The following HSF2BP variants were observed in gnomAD, a reference collection of about 807,000 sequenced individuals.
HSF2BP encodes heat shock factor 2-binding protein.
HSF2BP carries 35 observed loss-of-function variants against 35.0 expected under a neutral mutation model. The ratio of observed to expected loss-of-function variants is 1.00; its 90% confidence interval spans 0.76 to 1.32. The LOEUF (loss-of-function observed/expected upper bound fraction) is 1.32, where lower values mean the gene tolerates loss of function less well. Ranked by LOEUF, HSF2BP falls within the 40% of genes most tolerant of loss-of-function variation. The pLI, the probability that HSF2BP is intolerant of heterozygous loss-of-function variation, is 0.00. For synonymous variants in HSF2BP, 114 were observed against 117.4 expected (o/e 0.97, Z 0.18); for missense variants, 326 against 321.7 (o/e 1.01, Z -0.10).
chr21:43,633,402 T>C lies in HSF2BP; in HGVS notation c.311A>G (p.Gln104Arg). 1.2e-6 allele frequency: 2 copies of C among 1,610,330 alleles called. No homozygotes were observed. Residue 104 changes from glutamine (Q) to arginine (R), a missense_variant, in exon 5 of 9, where the codon CAG becomes CGG. Gln to Arg is a conservative substitution (Grantham distance 43, BLOSUM62 1). Transcript: ENST00000291560. ...TTGCTGCTTCGCTTCATTCAACTGC[T>C]GTCGAAGAGCCAGTTTCTCCTAAAA... ...REKKEKLALR[Q>R]QLNEAKQQLL...
the HSF2BP span, among the ~76,000 whole-genome samples, chr21:43,501,397 C>CT: frequency 2.0e-3 from 132 of 65,226 alleles, no homozygotes; most frequent in Non-Finnish European, 2.3e-3. Flanking sequence ...CTGTAGCTGT[C>CT]TTTTTTTTTT....
At chr21:43,598,457 G>C (rs1039244671) in intron 7 of HSF2BP, among the ~76,000 whole-genome samples, 4 of 151,222 alleles carry the variant, frequency 2.6e-5, no homozygotes, top group Non-Finnish European at 2.9e-5. Flanking sequence ...CCTGACCTCA[G>C]GTGACCCACC....
At chr21:43,631,753 G>A (rs2082459279) in intron 5 of HSF2BP, among the ~76,000 whole-genome samples, 1 of 152,004 alleles carries the variant, frequency 6.6e-6, no homozygotes, top group Admixed American at 6.6e-5. Context: ...CCTACTCACT[G>A]TCCTAAAACA....
intron 7 of HSF2BP, among the ~76,000 whole-genome samples, chr21:43,598,410 C>G (rs189829750): frequency 5.9e-4 from 86 of 146,276 alleles, no homozygotes; most frequent in African/African-American, 2.1e-3. Context: ...TTAGTAGAGA[C>G]GGGGTTTCAC....
chr21:43,633,159 A>C, intron 5 of HSF2BP, 113 bp downstream of exon 5: 3 of 1,195,534 alleles, frequency 2.5e-6, no homozygotes, highest in Non-Finnish European at 3.5e-6. Flanking sequence ...ATGAGTGAAC[A>C]AAAGAAAATG....
Position 43,590,940 on chromosome 21 carries a change from A to G in HSF2BP, c.796+1285T>C, listed in dbSNP as rs534738792. 6.6e-5 allele frequency among the ~76,000 whole-genome samples: 10 copies of G among 152,344 alleles called. No individual in the cohort carries two copies. In the South Asian group the frequency reaches 1.4e-3, roughly 22 times the overall value. On this transcript the variant is annotated intron_variant, in intron 8 of 8. Coordinates refer to ENST00000291560, the MANE Select transcript of HSF2BP (RefSeq NM_007031.2). Reference sequence around the variant, plus strand: ...ACCTTGATTGTGATAATAATTTTACAGGTGGACATTTATATCAATACTTAT... The same window carrying G: ...ACCTTGATTGTGATAATAATTTTACGGGTGGACATTTATATCAATACTTAT...
At chr21:43,650,091 C>T (rs942828164) in intron 3 of HSF2BP, among the ~76,000 whole-genome samples, 17 of 152,182 alleles carry the variant, frequency 1.1e-4, no homozygotes, top group African/African-American at 4.1e-4. Context: ...TTTCATCGCA[C>T]CACCTTCATT....
At chr21:43,596,863 C>T (rs1447320175) in intron 7 of HSF2BP, among the ~76,000 whole-genome samples, 1 of 136,504 alleles carries the variant, frequency 7.3e-6, no homozygotes, top group African/African-American at 2.8e-5. Context: ...CTCTGGCCTG[C>T]GTGACAGAGC....
In HSF2BP at chr21:43,652,816, T is replaced by G. The variant is rs887027923; in HGVS notation, c.187+3771A>C. Reference sequence around the variant, plus strand: ...ACGTTTCCTGGAGCACATGTGAGTTTCATGAGATAGGACTGCAAACTAGAA... The same window carrying G: ...ACGTTTCCTGGAGCACATGTGAGTTGCATGAGATAGGACTGCAAACTAGAA... On this transcript the variant is annotated intron_variant, in intron 3 of 8. Transcript: ENST00000291560. Among the ~76,000 whole-genome samples, 5 of 152,162 alleles carry G rather than the reference T, an allele frequency of 3.3e-5. No individual in the cohort carries two copies. In the East Asian group the frequency reaches 9.6e-4, roughly 29 times the overall value.
chr21:43,657,887 G>A (rs2082898525), intron 2 of HSF2BP, 174 bp downstream of exon 2: 5 of 985,434 alleles, frequency 5.1e-6, no homozygotes, highest in Non-Finnish European at 4.8e-6. Flanking sequence ...GTCGCCTCCC[G>A]CCCCAGGTCT....
intron 8 of HSF2BP, among the ~76,000 whole-genome samples, chr21:43,590,824 C>T (rs2081916743): frequency 6.6e-6 from 1 of 152,068 alleles, no homozygotes; most frequent in South Asian, 2.1e-4. Context: ...AGAAAGGAGG[C>T]GAGTCACTCT....
At chr21:43,581,493 G>A (rs2081731540) in intron 8 of HSF2BP, among the ~76,000 whole-genome samples, 1 of 152,194 alleles carries the variant, frequency 6.6e-6, no homozygotes, top group Admixed American at 6.5e-5. Flanking sequence ...CCTGGACAGG[G>A]ATAAAGCTGA....
At chr21:43,594,559 TA>T (rs1382331365) in intron 7 of HSF2BP, among the ~76,000 whole-genome samples, 1 of 152,072 alleles carries the variant, frequency 6.6e-6, no homozygotes, top group Non-Finnish European at 1.5e-5. Flanking sequence ...GAAACAAGGG[TA>T]AACTTTCAAG....
the HSF2BP span, among the ~76,000 whole-genome samples, chr21:43,495,995 C>T: frequency 8.1e-6 from 1 of 123,138 alleles, no homozygotes; most frequent in Non-Finnish European, 1.8e-5. Context: ...TGATTTCACC[C>T]ATCTCTCTCT....
rs752587102 is a variant in HSF2BP, at chr21:43,658,117, C to G, written c.-21G>C. The G allele has an allele frequency of 7.9e-6, 12 of 1,523,170 alleles. No individual in the cohort carries two copies. The highest frequency in any genetic ancestry group is 1.1e-5 in the Non-Finnish European group (12 of 1,139,128). 94.4% of individuals were successfully genotyped at this position (1,523,170 alleles called of 1,614,324 possible). A position where few individuals can be genotyped will look rare whatever the true frequency, so the allele number is the denominator to read the frequency against. ...CCCATGGCCGCTGCCGCCTCCGCTC[C>G]GTTCGCCTGAGCGTCGGCGCGCCCT... On this transcript the variant is annotated 5_prime_UTR_variant, in exon 2 of 9. Coordinates refer to ENST00000291560, the MANE Select transcript of HSF2BP (RefSeq NM_007031.2).
chr21:43,658,151 T>C lies in HSF2BP; in HGVS notation c.-55A>G. 1 of 1,480,906 alleles carries C rather than the reference T, an allele frequency of 6.8e-7. No individual in the cohort carries two copies. The highest frequency in any genetic ancestry group is 1.3e-5 in the South Asian group (1 of 77,256). 91.7% of individuals were successfully genotyped at this position (1,480,906 alleles called of 1,614,324 possible). On this transcript the variant is annotated 5_prime_UTR_variant, in exon 2 of 9. Coordinates refer to ENST00000291560, the MANE Select transcript of HSF2BP (RefSeq NM_007031.2). ...GAGCGTCGGCGCGCCCTCTGACCCC[T>C]CACGCCAGAAAGCGCGGGAACGAAT...
chr21:43,581,913 TGTGGGAGATGAGGGCCTGCC>T lies in HSF2BP; in HGVS notation c.796+10292_796+10311del, dbSNP rs1418801882. On this transcript the variant is annotated intron_variant, in intron 8 of 8. Coordinates refer to ENST00000291560, the MANE Select transcript of HSF2BP (RefSeq NM_007031.2). ...CCTGCTGTGGGGAATGAGGCCCTGC[TGTGGGAGATGAGGGCCTGCC>T]GTGGGGGATGAGGGTCTGCTGTGGG... 8.6e-4 allele frequency among the ~76,000 whole-genome samples: 100 copies of T among 116,744 alleles called. 1 individual carries two copies. Among genetic ancestry groups the T allele is most frequent in the African/African-American group, 3.0e-3 (83 of 27,302 alleles). 76.6% of individuals were successfully genotyped at this position (116,744 alleles called of 152,430 possible).
chr21:43,575,091 T>A (rs2081625983), intron 8 of HSF2BP, among the ~76,000 whole-genome samples: 1 of 152,236 alleles, frequency 6.6e-6, no homozygotes, highest in African/African-American at 2.4e-5. Flanking sequence ...AGCTCCTTCA[T>A]GTCTTATTCC....
In HSF2BP at chr21:43,625,468, G is replaced by A. The variant is rs1330196211; in HGVS notation, c.574+4854C>T. 2.6e-5 allele frequency among the ~76,000 whole-genome samples: 4 copies of A among 152,120 alleles called. No individual in the cohort carries two copies. The East Asian group carries it at 5.8e-4, about 22-fold the overall frequency. On this transcript the variant is annotated intron_variant, in intron 6 of 8. Coordinates refer to ENST00000291560, the MANE Select transcript of HSF2BP (RefSeq NM_007031.2). The stretch of plus-strand genomic sequence containing the variant: ...CAGAAGGATGGCGTGCAGGAAGTCT[G>A]GGGGAAGGAATTAGTTCCACAACCT...
Sources: gnomAD v4.1 joint callset for allele counts (sites outside exome capture counted in the v4.1 genomes callset) on GRCh38, gnomAD v4.1.1 for gene constraint, MANE v1.5 for transcripts, NCBI Gene and HGNC (gene_info 2026-07-23, HGNC 2026-07-21) for gene names.